SPAG17: variants seen among roughly 807,000 people sequenced by gnomAD.
SPAG17 encodes sperm associated antigen 17, also known as sperm-associated antigen 17.
SPAG17 carries 169 observed loss-of-function variants against 273.6 expected under a neutral mutation model. The ratio of observed to expected loss-of-function variants is 0.62; its 90% confidence interval spans 0.55 to 0.70. The LOEUF is 0.70. Ranked by LOEUF, SPAG17 falls within the 30% of genes least tolerant of loss-of-function variation. The pLI, the probability that SPAG17 is intolerant of heterozygous loss-of-function variation, is 0.00. For missense variants in SPAG17, 2,557 were observed against 2,627.8 expected, an observed-to-expected ratio of 0.97 and a Z score of 0.59; for synonymous variants, 825 against 873.2, an observed-to-expected ratio of 0.94 and a Z score of 0.97.
chr1:117,991,653 C>G, intron 36 of SPAG17, 125 bp from the exon 37 acceptor site: 1 of 544,660 alleles, frequency 1.8e-6, no homozygotes, highest in Non-Finnish European at 3.1e-6. Context: ...TGCTCAACAA[C>G]TGTTTACTAG....
At chr1:117,955,316 C>T (rs1652019213) in intron 48 of SPAG17, 1 of 1,611,070 alleles carries the variant, frequency 6.2e-7, no homozygotes, top group Non-Finnish European at 8.5e-7. Flanking sequence ...CCTTTATAGC[C>T]TTCAGCTTAT....
At chr1:118,074,672 T>C in intron 15 of SPAG17, 72 bp from the exon 16 acceptor site, 1 of 1,353,120 alleles carries the variant, frequency 7.4e-7, no homozygotes, top group Non-Finnish European at 1.1e-6. Context: ...ATGCTGTGCT[T>C]TTTTGTTGCC....
At chr1:117,965,523 A>G (rs1473601140) in intron 47 of SPAG17, 1 of 152,218 alleles carries the variant, frequency 6.6e-6, no homozygotes, top group African/African-American at 2.4e-5. Flanking sequence ...TCCATCCATC[A>G]ATGGCTTCTA....
Position 117,992,507 on chromosome 1 carries a change from T to A in SPAG17, c.5320A>T (p.Ile1774Leu), listed in dbSNP as rs775025952. 1 of 1,613,092 alleles carries A rather than the reference T, an allele frequency of 6.2e-7. No individual in the cohort carries two copies. Among genetic ancestry groups the A allele is most frequent in the Non-Finnish European group, 8.5e-7 (1 of 1,179,622 alleles). ...QMRQFIQHEV[I>L]KNEVKLRLQV... is the part of the protein sequence containing the mutation. ...AGCCTCAGTTTCACCTCATTCTTTA[T>A]GACCTCATGCTGAATGAATTGGCGC... Residue 1774 changes from isoleucine (I) to leucine (L), a missense_variant, in exon 36 of 49, where the codon ATA (isoleucine) becomes TTA (leucine). Ile to Leu is a conservative substitution (Grantham distance 5, BLOSUM62 2). Coordinates refer to ENST00000336338, the MANE Select transcript of SPAG17 (RefSeq NM_206996.4).
chr1:118,145,155 T>TA (rs2102331764), intron 3 of SPAG17, among the ~76,000 whole-genome samples: 1 of 152,336 alleles, frequency 6.6e-6, no homozygotes, highest in Non-Finnish European at 1.5e-5. Flanking sequence ...TCAAACCTCT[T>TA]AAATGTTTTC....
chr1:118,121,644 C>T (rs1657426723), intron 3 of SPAG17, among the ~76,000 whole-genome samples: 1 of 152,152 alleles, frequency 6.6e-6, no homozygotes, highest in African/African-American at 2.4e-5. Context: ...AATCATCCTG[C>T]TCCCCACTCT....
rs774022573 is a variant in SPAG17, at chr1:118,086,007, T to C, written c.1677A>G (p.Glu559=). 4 of 1,613,916 alleles carry C rather than the reference T, an allele frequency of 2.5e-6. No individual in the cohort carries two copies. The East Asian group carries it at 8.9e-5, about 36-fold the overall frequency. The change falls in exon 13 of 49, where the codon GAA becomes GAG. Residue 559 remains glutamate, a synonymous_variant. Transcript: ENST00000336338. ...GTGGGGGTAGAGGGAATTGAAGAAA[T>C]TCCCACAGTGGCAACTTGGACTGCA... ...QEMQSKLPLW[E]FLQFPLPPPW...
intron 4 of SPAG17, among the ~76,000 whole-genome samples, chr1:118,103,827 G>A (rs1254870977): frequency 7.0e-6 from 1 of 142,142 alleles, no homozygotes; most frequent in African/African-American, 2.6e-5. Flanking sequence ...CACATGAGAA[G>A]CAGGGAAAAT....
chr1:118,075,035 G>A (rs1179482247), intron 15 of SPAG17, among the ~76,000 whole-genome samples: 1 of 152,138 alleles, frequency 6.6e-6, no homozygotes, highest in Non-Finnish European at 1.5e-5. Flanking sequence ...GACTAGGGTG[G>A]GGGCAGGCCA....
intron 17 of SPAG17, among the ~76,000 whole-genome samples, chr1:118,067,714 A>AT (rs1416282337): frequency 1.3e-5 from 2 of 152,114 alleles, no homozygotes; most frequent in Middle Eastern, 3.2e-3. Flanking sequence ...TAGAATTCTC[A>AT]TTTTTTCAGC....
chr1:118,101,943 C>G lies in SPAG17; in HGVS notation c.448-17G>C, dbSNP rs1479650726. ...TTCTATTACCTGGAATGAGAGAACACTTTTTTCTCCAAATCAAACAGTGAG... is the reference window on the plus strand; with the variant it reads ...TTCTATTACCTGGAATGAGAGAACAGTTTTTTCTCCAAATCAAACAGTGAG... On this transcript the variant is annotated splice_polypyrimidine_tract_variant and intron_variant, in intron 4 of 48. Coordinates refer to ENST00000336338, the MANE Select transcript of SPAG17 (RefSeq NM_206996.4). The G allele has an allele frequency of 1.9e-6, 3 of 1,598,064 alleles. No individual in the cohort carries two copies. Among genetic ancestry groups the G allele is most frequent in the Non-Finnish European group, 2.6e-6 (3 of 1,172,560 alleles).
chr1:118,007,236 C>T (rs915589229), intron 31 of SPAG17, among the ~76,000 whole-genome samples: 3 of 152,136 alleles, frequency 2.0e-5, no homozygotes, highest in African/African-American at 7.2e-5. Flanking sequence ...TAATAATCTA[C>T]ACTGGATGAA....
chr1:118,000,507 G>A (rs1658157223), intron 32 of SPAG17, among the ~76,000 whole-genome samples: 1 of 152,106 alleles, frequency 6.6e-6, no homozygotes, highest in Non-Finnish European at 1.5e-5. Context: ...GTTGAGCAGT[G>A]GTTTGTAGTT....
At chr1:118,071,679 G>C (rs1193936220) in intron 17 of SPAG17, among the ~76,000 whole-genome samples, 1 of 151,296 alleles carries the variant, frequency 6.6e-6, no homozygotes, top group Admixed American at 6.6e-5. Context: ...TCTTTAAAAA[G>C]GTAATTTGAA....
intron 35 of SPAG17, 39 bp from the exon 36 acceptor site, chr1:117,992,687 C>A: frequency 6.8e-7 from 1 of 1,466,548 alleles, no homozygotes; most frequent in Non-Finnish European, 9.0e-7. Flanking sequence ...CCAAAGAAAT[C>A]AGAATGTTTT....
At chr1:118,102,172 A>G (rs1570697035) in intron 4 of SPAG17, among the ~76,000 whole-genome samples, 2 of 152,226 alleles carry the variant, frequency 1.3e-5, no homozygotes, top group East Asian at 3.9e-4. Context: ...CTTCTGGAAG[A>G]GAATCAGTCC....
At position 118,007,425 on chromosome 1, in the gene SPAG17, A is replaced by G. The variant is rs889139939; in HGVS notation, c.4587+619T>C. On this transcript the variant is annotated intron_variant, in intron 31 of 48. Transcript: ENST00000336338. The stretch of plus-strand genomic sequence containing the variant: ...TCTAGTGTCCTTTCTCCAGCAAGTG[A>G]AAAGCTGAAAGCAAGTCCTTTTAAG... Among the ~76,000 whole-genome samples the G allele has an allele frequency of 3.3e-5, 5 of 152,208 alleles. No homozygotes were observed. The South Asian group carries it at 1.0e-3, about 32-fold the overall frequency.
Position 118,081,510 on chromosome 1 carries a change from A to T in SPAG17, c.1895T>A (p.Phe632Tyr). 2 of 1,613,920 alleles carry T rather than the reference A, an allele frequency of 1.2e-6. No individual in the cohort carries two copies. The highest frequency in any genetic ancestry group is 1.7e-6 in the Non-Finnish European group (2 of 1,180,004). The change falls in exon 14 of 49, where the codon TTC becomes TAC. Residue 632 changes from phenylalanine to tyrosine, a missense_variant. Transcript: ENST00000336338. ...GMMCGSDSEM[F>Y]NIPWDNPARF... ...GGCAGGGTTGTCCCACGGTATGTTG[A>T]ACATTTCAGAATCTGACCCACACAT...
At chr1:118,142,685 A>C (rs747743850) in intron 3 of SPAG17, among the ~76,000 whole-genome samples, 21 of 152,228 alleles carry the variant, frequency 1.4e-4, no homozygotes, top group Non-Finnish European at 2.5e-4. Flanking sequence ...TTTATAAGAT[A>C]GATACTATCA....
Sources: gnomAD v4.1 joint callset for allele counts (sites outside exome capture counted in the v4.1 genomes callset) on GRCh38, gnomAD v4.1.1 for gene constraint, MANE v1.5 for transcripts, NCBI Gene and HGNC (gene_info 2026-07-23, HGNC 2026-07-21) for gene names.